PPT2: variants seen among roughly 807,000 people sequenced by gnomAD.
PPT2 encodes the protein lysosomal thioesterase PPT2.
PPT2 carries 20 observed loss-of-function variants against 37.3 expected under a neutral mutation model. The ratio of observed to expected loss-of-function variants is 0.54; its 90% CI spans 0.38 to 0.78. The LOEUF is 0.78. Among genes scored for constraint, PPT2 ranks in the 30% least tolerant of loss-of-function variants. PPT2 has a pLI of 0.00. For synonymous variants in PPT2, 135 were observed against 159.1 expected (o/e 0.85, Z 1.14); for missense variants, 270 against 389.8 (o/e 0.69, Z 2.59).
chr6:32,155,181 A>T lies in PPT2; in HGVS notation c.335A>T (p.Gln112Leu). Reference sequence around the variant, plus strand: ...GGGGTGCATCTCATCTGCTACTCGCAGGGTAGGCGACTCCCCTGCCCCTAA... The same window carrying T: ...GGGGTGCATCTCATCTGCTACTCGCTGGGTAGGCGACTCCCCTGCCCCTAA... ...PQGVHLICYS[Q>L]GGLVCRALLS... The change falls in exon 3 of 9, where the codon CAG becomes CTG. Residue 112 changes from glutamine to leucine, a missense_variant and splice_region_variant. Physicochemically the swap from Gln to Leu is moderately radical, Grantham distance 113. Coordinates refer to ENST00000324816, the MANE Select transcript of PPT2 (RefSeq NM_005155.7). The surrounding 1 kb of genome is among the most constrained non-coding windows in gnomAD (Gnocchi z 4.3). 1 of 1,613,034 alleles carries T rather than the reference A, an allele frequency of 6.2e-7. No individual in the cohort carries two copies. Among genetic ancestry groups the T allele is most frequent in the Non-Finnish European group, 8.5e-7 (1 of 1,179,960 alleles).
rs1219115892 is a variant in PPT2 at position 32,154,977 on chromosome 6, G to C, written c.184-53G>C. On this transcript the variant is annotated intron_variant, in intron 2 of 8. Transcript: ENST00000324816. The surrounding 1 kb of genome is among the most constrained non-coding windows in gnomAD (Gnocchi z 7.3). The stretch of plus-strand genomic sequence containing the variant: ...CTGTGGACGCGGGCCAGGGGGTGGC[G>C]TGTGGGAGCTTCTTAGCCTATCCCC... The C allele has an allele frequency of 1.2e-6, 2 of 1,608,254 alleles. No individual in the cohort carries two copies. Among genetic ancestry groups the C allele is most frequent in the African/African-American group, 2.7e-5 (2 of 74,762 alleles).
chr6:32,155,298 G>C lies in PPT2; in HGVS notation c.337+115G>C. ...CCACATTGCTCCAGGCACAACCCTGGTACCTGAGCCCTTCCTTTCTGACTT... is the reference window on the plus strand; with the variant it reads ...CCACATTGCTCCAGGCACAACCCTGCTACCTGAGCCCTTCCTTTCTGACTT... On this transcript the variant is annotated intron_variant, in intron 3 of 8. Coordinates refer to ENST00000324816, the MANE Select transcript of PPT2 (RefSeq NM_005155.7). This position sits in a 1 kb window ranked among gnomAD's most constrained non-coding sequence, Gnocchi z 4.3. The C allele has an allele frequency of 8.0e-7, 1 of 1,247,800 alleles. No individual in the cohort carries two copies. Among genetic ancestry groups the C allele is most frequent in the Non-Finnish European group, 1.1e-6 (1 of 892,162 alleles). The allele number at this position is 1,247,800 out of a possible 1,614,324, so 77.3% of individuals were successfully genotyped here. A position where few individuals can be genotyped will look rare whatever the true frequency, so the allele number is the denominator to read the frequency against.
Position 32,154,959 on chromosome 6 carries a change from C to T in PPT2, c.184-71C>T. 6.3e-7 allele frequency: 1 copy of T among 1,598,964 alleles called. No homozygotes were observed. The highest frequency in any genetic ancestry group is 8.5e-7 in the Non-Finnish European group (1 of 1,170,056). On this transcript the variant is annotated intron_variant, in intron 2 of 8. Coordinates refer to ENST00000324816, the MANE Select transcript of PPT2 (RefSeq NM_005155.7). This position sits in a 1 kb window ranked among gnomAD's most constrained non-coding sequence, Gnocchi z 7.3. ...TAGCAGGGTACAATAGACCTGTGGA[C>T]GCGGGCCAGGGGGTGGCGTGTGGGA... is the stretch of plus-strand genomic sequence containing the variant.
Position 32,157,688 on chromosome 6 carries a change from T to G in PPT2, c.593T>G (p.Ile198Ser). The change falls in exon 6 of 9, where the codon ATC (isoleucine) becomes AGC (serine). Residue 198 changes from isoleucine to serine, a missense_variant. By Grantham distance (142) the Ile-to-Ser change is moderately radical (BLOSUM62 -2). Transcript: ENST00000324816. ...YLNASSFLAL[I>S]NGERDHPNAT... The stretch of plus-strand genomic sequence containing the variant: ...AATGCCAGCAGCTTCCTGGCCCTGA[T>G]CAATGGGGAAAGAGACCATCCCAAT... The G allele has an allele frequency of 1.9e-6, 3 of 1,604,394 alleles. No individual in the cohort carries two copies. The South Asian group carries it at 3.3e-5, about 18-fold the overall frequency.
chr6:32,160,408 C>T (rs1244511527), intron 7 of PPT2, among the ~76,000 whole-genome samples: 1 of 151,450 alleles, frequency 6.6e-6, no homozygotes, highest in African/African-American at 2.4e-5. Context: ...CGGTGGCTCA[C>T]GCCTATAATC....
chr6:32,161,711 C>T (rs1343789710), intron 7 of PPT2, among the ~76,000 whole-genome samples: 1 of 151,362 alleles, frequency 6.6e-6, no homozygotes, highest in Admixed American at 6.6e-5. Context: ...CCTCTGCCTC[C>T]TGAGTAGCTG....
intron 7 of PPT2, among the ~76,000 whole-genome samples, chr6:32,161,348 T>C (rs545856822): frequency 1.3e-5 from 2 of 152,146 alleles, no homozygotes; most frequent in Non-Finnish European, 2.9e-5. Flanking sequence ...TGGAGTGCAA[T>C]GGCAAATCTC....
chr6:32,161,451 A>G (rs1784149686), intron 7 of PPT2, among the ~76,000 whole-genome samples: 1 of 150,654 alleles, frequency 6.6e-6, no homozygotes, highest in Non-Finnish European at 1.5e-5. Context: ...CACCATGCCC[A>G]ACTAATTTTG....
Position 32,162,561 on chromosome 6 carries a change from T to G in PPT2, c.711-7T>G, listed in dbSNP as rs761405437. On this transcript the variant is annotated splice_polypyrimidine_tract_variant and splice_region_variant and intron_variant, in intron 7 of 8. Coordinates refer to ENST00000324816, the MANE Select transcript of PPT2 (RefSeq NM_005155.7). The surrounding 1 kb of genome is among the most constrained non-coding windows in gnomAD (Gnocchi z 5.5). ...TTCTGATAACCTCCCCCCAAATCTC[T>G]TTGTAGCTTCTTTGGTTTCTATGAT... 6.2e-7 allele frequency: 1 copy of G among 1,607,036 alleles called. No individual in the cohort carries two copies. The highest frequency in any genetic ancestry group is 8.5e-7 in the Non-Finnish European group (1 of 1,173,568).
rs1310850345 is a variant in PPT2, at chr6:32,162,216, T to A, written c.711-352T>A. Among the ~76,000 whole-genome samples the A allele has an allele frequency of 2.0e-5, 3 of 152,036 alleles. No homozygotes were observed. The highest frequency in any genetic ancestry group is 4.4e-5 in the Non-Finnish European group (3 of 68,026). ...TTTTTTCCTTTTCTTTTTTCTTTCC[T>A]TTTTCCTTTCCTTTCCTTTTTGAGA... On this transcript the variant is annotated intron_variant, in intron 7 of 8. Transcript: ENST00000324816. This position sits in a 1 kb window ranked among gnomAD's most constrained non-coding sequence, Gnocchi z 5.5.
intron 7 of PPT2, among the ~76,000 whole-genome samples, chr6:32,160,545 T>C (rs192226248): frequency 6.6e-6 from 1 of 151,696 alleles, no homozygotes; most frequent in African/African-American, 2.4e-5. Context: ...GGCGCACGCC[T>C]GTAGTTCCAG....
At chr6:32,154,033 C>A, upstream of PPT2, 1 of 1,170,052 alleles carries the variant, frequency 8.5e-7, no homozygotes, top group Non-Finnish European at 1.1e-6. The surrounding 1 kb of genome is among the most constrained non-coding windows in gnomAD (Gnocchi z 7.3). Context: ...CATTGCCCCT[C>A]CTGTCCTGGG....
At chr6:32,158,968 AT>A (rs1485176742) in intron 7 of PPT2, among the ~76,000 whole-genome samples, 5 of 151,594 alleles carry the variant, frequency 3.3e-5, no homozygotes, top group East Asian at 3.9e-4. Flanking sequence ...GGCCCTTGAT[AT>A]TTTTTTTTCT....
At position 32,155,584 on chromosome 6, in the gene PPT2, C is replaced by CTGTGTGTG. The variant is rs28359849; in HGVS notation, c.338-77_338-70dup. 7,299 of 694,368 alleles carry CTGTGTGTG rather than the reference C, an allele frequency of 0.011. 33 individuals are homozygous for CTGTGTGTG. The highest frequency in any genetic ancestry group is 0.031 in the African/African-American group (1,415 of 45,766). The allele number at this position is 694,368 out of a possible 1,614,324, so 43.0% of individuals were successfully genotyped here. ...GTACAGTGTGTGTCTGTGTGTGTCTCTGTGTGTGTGTGTGTGTGTGTGTGT... is the reference window on the plus strand; with the variant it reads ...GTACAGTGTGTGTCTGTGTGTGTCTCTGTGTGTGTGTGTGTGTGTGTGTGTGTGTGTGT... On this transcript the variant is annotated intron_variant, in intron 3 of 8. Transcript: ENST00000324816. The surrounding 1 kb of genome is among the most constrained non-coding windows in gnomAD (Gnocchi z 4.3).
At chr6:32,159,743 CAG>C (rs928817559) in intron 7 of PPT2, among the ~76,000 whole-genome samples, 2 of 143,904 alleles carry the variant, frequency 1.4e-5, no homozygotes, top group African/African-American at 5.2e-5. Context: ...TTTTTTGAGA[CAG>C]AGTTTTGTTC....
At position 32,155,563 on chromosome 6, in the gene PPT2, A is replaced by T. The variant is rs1396185053; in HGVS notation, c.338-125A>T. On this transcript the variant is annotated intron_variant, in intron 3 of 8. Coordinates refer to ENST00000324816, the MANE Select transcript of PPT2 (RefSeq NM_005155.7). This position sits in a 1 kb window ranked among gnomAD's most constrained non-coding sequence, Gnocchi z 4.3. ...GTAAGCCTCAGTCTCCTTTGTGTAC[A>T]GTGTGTGTCTGTGTGTGTCTCTGTG... 1.3e-5 allele frequency: 10 copies of T among 772,160 alleles called. No homozygotes were observed. Among genetic ancestry groups the T allele is most frequent in the Non-Finnish European group, 2.1e-5 (10 of 469,976 alleles). The allele number at this position is 772,160 out of a possible 1,614,324, so 47.8% of individuals were successfully genotyped here.
Position 32,155,809 on chromosome 6 carries a change from A to G in PPT2, c.433+26A>G. The stretch of plus-strand genomic sequence containing the variant: ...GTGAGTGGGCACTAGACTCCATAGA[A>G]TGCCCTGAGTTTTGGGGGAACAGAG... On this transcript the variant is annotated intron_variant, in intron 4 of 8. Transcript: ENST00000324816. The surrounding 1 kb of genome is among the most constrained non-coding windows in gnomAD (Gnocchi z 4.3). 1 of 1,610,130 alleles carries G rather than the reference A, an allele frequency of 6.2e-7. No individual in the cohort carries two copies. Among genetic ancestry groups the G allele is most frequent in the Non-Finnish European group, 8.5e-7 (1 of 1,176,400 alleles).
At chr6:32,157,448 A>C (rs1783871546) in intron 5 of PPT2, 189 bp from the exon 6 acceptor site, 1 of 606,530 alleles carries the variant, frequency 1.6e-6, no homozygotes, top group Non-Finnish European at 3.0e-6. Flanking sequence ...CCCGACTTCA[A>C]GTGATCCACC....
chr6:32,161,481 G>T (rs1301370589), intron 7 of PPT2, among the ~76,000 whole-genome samples: 1 of 151,388 alleles, frequency 6.6e-6, no homozygotes, highest in African/African-American at 2.4e-5. Context: ...TAGAGACGGG[G>T]TTTCTCCATG....
Sources: allele counts gnomAD v4.1 joint callset (sites outside exome capture counted in the v4.1 genomes callset), GRCh38; gene constraint gnomAD v4.1.1; non-coding constraint Gnocchi (gnomAD v3.1); transcripts MANE v1.5; gene names NCBI Gene and HGNC (gene_info 2026-07-23, HGNC 2026-07-21).